The following PAMR1 variants were observed in gnomAD, a reference collection of about 807,000 sequenced individuals.
PAMR1 encodes the protein peptidase domain containing associated with muscle regeneration 1.
In PAMR1, 88 loss-of-function variants were observed where a neutral mutation model predicts 81.8. The observed-to-expected ratio is 1.08, with a 90% confidence interval of 0.91 to 1.28. The LOEUF (loss-of-function observed/expected upper bound fraction) is 1.28, where lower values mean the gene tolerates loss of function less well. Among genes scored for constraint, PAMR1 ranks in the 50% most tolerant of loss-of-function variants. The pLI is 0.00. For missense variants in PAMR1, 935 were observed against 919.7 expected, an observed-to-expected ratio of 1.02 and a Z score of -0.21; for synonymous variants, 336 against 345.3, an observed-to-expected ratio of 0.97 and a Z score of 0.30.
rs764562383 is a variant in PAMR1, at chr11:35,492,036, T to A, written c.379+9A>T. Reference sequence around the variant, plus strand: ...CACTAGAGATGGAGCTAGGTCAAGGTCTACTTACGCATGCAGTCTCCTCCG... The same window carrying A: ...CACTAGAGATGGAGCTAGGTCAAGGACTACTTACGCATGCAGTCTCCTCCG... On this transcript the variant is annotated intron_variant, in intron 3 of 10. Coordinates refer to ENST00000619888, the MANE Select transcript of PAMR1 (RefSeq NM_001001991.3). The A allele has an allele frequency of 2.9e-5, 47 of 1,608,290 alleles. No individual in the cohort carries two copies. The highest frequency in any genetic ancestry group is 3.9e-5 in the Non-Finnish European group (46 of 1,177,250).
At chr11:35,464,780 C>T (rs1023004043) in intron 6 of PAMR1, among the ~76,000 whole-genome samples, 3 of 152,226 alleles carry the variant, frequency 2.0e-5, no homozygotes, top group African/African-American at 7.2e-5. Flanking sequence ...TTATTCTATA[C>T]ACCTCTGTAC....
chr11:35,433,948 T>C (rs1855975355), intron 10 of PAMR1, among the ~76,000 whole-genome samples: 1 of 152,198 alleles, frequency 6.6e-6, no homozygotes, highest in Non-Finnish European at 1.5e-5. Context: ...CAGACATATA[T>C]TGTAAATTTG....
At chr11:35,507,376 T>G (rs923677318) in intron 1 of PAMR1, among the ~76,000 whole-genome samples, 1 of 151,334 alleles carries the variant, frequency 6.6e-6, no homozygotes, top group Admixed American at 6.6e-5. Flanking sequence ...ACTCACTGAT[T>G]CTTTCCTCTG....
intron 3 of PAMR1, among the ~76,000 whole-genome samples, chr11:35,483,018 C>T (rs1430516219): frequency 1.3e-5 from 2 of 152,118 alleles, no homozygotes; most frequent in Non-Finnish European, 2.9e-5. Flanking sequence ...TTTCTTTTGA[C>T]TGGTTGTTCT....
chr11:35,433,595 T>C lies in PAMR1; in HGVS notation c.1627-703A>G, dbSNP rs147018710. On this transcript the variant is annotated intron_variant, in intron 10 of 10. Transcript: ENST00000619888. ...TCACATTGATTATGATACATTGGTC[T>C]ATCTCTCCCACTCAACTGTGGACTT... 4.6e-5 allele frequency among the ~76,000 whole-genome samples: 7 copies of C among 152,400 alleles called. No individual in the cohort carries two copies. In the East Asian group the frequency reaches 1.3e-3, roughly 29 times the overall value.
At chr11:35,463,569 A>G (rs763629361) in intron 6 of PAMR1, among the ~76,000 whole-genome samples, 2 of 152,208 alleles carry the variant, frequency 1.3e-5, no homozygotes, top group Non-Finnish European at 2.9e-5. Flanking sequence ...AAGAAACAGG[A>G]AACTTCAGAG....
At chr11:35,520,207 T>G (rs1226874985) in intron 1 of PAMR1, among the ~76,000 whole-genome samples, 1 of 152,174 alleles carries the variant, frequency 6.6e-6, no homozygotes, top group Non-Finnish European at 1.5e-5. Context: ...TGCCTTGATG[T>G]GCAACCCCTA....
At chr11:35,503,177 A>G (rs1289232978) in intron 1 of PAMR1, among the ~76,000 whole-genome samples, 4 of 151,842 alleles carry the variant, frequency 2.6e-5, no homozygotes, top group Admixed American at 2.6e-4. Flanking sequence ...TGGGTTCTGT[A>G]TTCTGTTTCA....
intron 6 of PAMR1, among the ~76,000 whole-genome samples, chr11:35,443,861 A>G (rs1856234787): frequency 6.6e-6 from 1 of 152,218 alleles, no homozygotes. Context: ...CCTTGGCAGC[A>G]TCTGTTGTTT....
intron 2 of PAMR1, 85 bp downstream of exon 2, chr11:35,494,011 T>C: frequency 1.9e-6 from 2 of 1,054,472 alleles, no homozygotes; most frequent in South Asian, 2.9e-5. Flanking sequence ...GATGGCTGCC[T>C]GCTAGAATTC....
chr11:35,466,870 T>C (rs1856767733), intron 6 of PAMR1, among the ~76,000 whole-genome samples: 1 of 152,004 alleles, frequency 6.6e-6, no homozygotes, highest in Non-Finnish European at 1.5e-5. Context: ...TAGTAGATAT[T>C]GTTGGTGCTC....
At chr11:35,452,188 AC>A (rs1235938912) in intron 6 of PAMR1, among the ~76,000 whole-genome samples, 1 of 152,226 alleles carries the variant, frequency 6.6e-6, no homozygotes, top group African/African-American at 2.4e-5. Flanking sequence ...AACAAAGGAA[AC>A]ACATGGAACT....
intron 2 of PAMR1, among the ~76,000 whole-genome samples, chr11:35,492,931 C>A (rs1405328418): frequency 6.6e-6 from 1 of 152,174 alleles, no homozygotes; most frequent in Non-Finnish European, 1.5e-5. Flanking sequence ...TCTGGCTCTG[C>A]CATCGTGCAG....
intron 5 of PAMR1, 127 bp downstream of exon 5, chr11:35,470,474 G>A (rs527460804): frequency 4.3e-5 from 31 of 717,494 alleles, no homozygotes; most frequent in Non-Finnish European, 7.2e-5. Flanking sequence ...TCAGTGTGTA[G>A]GCTGTTTCTA....
intron 1 of PAMR1, among the ~76,000 whole-genome samples, chr11:35,501,667 T>C (rs1422294539): frequency 6.6e-6 from 1 of 152,154 alleles, no homozygotes; most frequent in Non-Finnish European, 1.5e-5. Context: ...CTCCCACATA[T>C]GAGTAAGAAC....
At chr11:35,436,956 G>A (rs1223018052) in intron 8 of PAMR1, among the ~76,000 whole-genome samples, 1 of 152,154 alleles carries the variant, frequency 6.6e-6, no homozygotes, top group Non-Finnish European at 1.5e-5. Context: ...GCAATATTAG[G>A]AATTGACTCA....
At chr11:35,445,376 T>G (rs772029062) in intron 6 of PAMR1, among the ~76,000 whole-genome samples, 5 of 139,462 alleles carry the variant, frequency 3.6e-5, no homozygotes, top group African/African-American at 7.7e-5. Flanking sequence ...TCCAGTACTG[T>G]GTTGAATAGG....
chr11:35,444,295 G>C (rs533233472), intron 6 of PAMR1, among the ~76,000 whole-genome samples: 1 of 152,224 alleles, frequency 6.6e-6, no homozygotes, highest in Non-Finnish European at 1.5e-5. Context: ...TCTGTAGGTT[G>C]TATGTTCACT....
chr11:35,445,103 T>C (rs1340393764), intron 6 of PAMR1, among the ~76,000 whole-genome samples: 1 of 152,212 alleles, frequency 6.6e-6, no homozygotes, highest in Non-Finnish European at 1.5e-5. Flanking sequence ...TTTGTGGCAA[T>C]TGTGAATGGG....
Sources: gnomAD v4.1 joint callset for allele counts (sites outside exome capture counted in the v4.1 genomes callset) on GRCh38, gnomAD v4.1.1 for gene constraint, MANE v1.5 for transcripts, NCBI Gene and HGNC (gene_info 2026-07-23, HGNC 2026-07-21) for gene names.